The following ARHGEF10L variants were observed in gnomAD, a reference collection of about 807,000 sequenced individuals.
ARHGEF10L encodes the protein Rho guanine nucleotide exchange factor 10 like.
A neutral mutation model predicts 141.2 loss-of-function variants in ARHGEF10L; 69 were observed. The observed-to-expected ratio is 0.49, with a 90% CI of 0.40 to 0.60. The LOEUF is 0.60. Among genes scored for constraint, ARHGEF10L ranks in the 20% least tolerant of loss-of-function variants. The pLI, the probability that ARHGEF10L is intolerant of heterozygous loss-of-function variation, is 0.00. For synonymous variants in ARHGEF10L, 711 were observed against 718.5 expected, an observed-to-expected ratio of 0.99 and a Z score of 0.17; for missense variants, 1,482 against 1,734.3, an observed-to-expected ratio of 0.85 and a Z score of 2.58.
chr1:17,667,303 G>A (rs1439270541), intron 26 of ARHGEF10L, among the ~76,000 whole-genome samples: 1 of 152,226 alleles, frequency 6.6e-6, no homozygotes, highest in Non-Finnish European at 1.5e-5. Context: ...CCTGTCTTTG[G>A]AGGTGGGGGC....
In ARHGEF10L at chr1:17,619,250, C is replaced by A; in HGVS notation, c.836-89C>A. 1 of 1,315,160 alleles carries A rather than the reference C, an allele frequency of 7.6e-7. No individual in the cohort carries two copies. Among genetic ancestry groups the A allele is most frequent in the Non-Finnish European group, 1.1e-6 (1 of 934,686 alleles). 81.5% of individuals were successfully genotyped at this position (1,315,160 alleles called of 1,614,324 possible). A position where few individuals can be genotyped will look rare whatever the true frequency, so the allele number is the denominator to read the frequency against. The stretch of plus-strand genomic sequence containing the variant: ...TGCACCCTAGGACCTGGGTCCAAGG[C>A]TGGTCTAGGGGGGCTCTCAGCTCCT... On this transcript the variant is annotated intron_variant, in intron 9 of 28. Transcript: ENST00000361221. This position sits in a 1 kb window ranked among gnomAD's most constrained non-coding sequence, Gnocchi z 5.0.
chr1:17,656,788 C>G lies in ARHGEF10L; in HGVS notation c.2860+80C>G. 6.7e-7 allele frequency: 1 copy of G among 1,497,542 alleles called. No homozygotes were observed. Among genetic ancestry groups the G allele is most frequent in the East Asian group, 2.3e-5 (1 of 42,884 alleles). The allele number at this position is 1,497,542 out of a possible 1,614,324, so 92.8% of individuals were successfully genotyped here. A position where few individuals can be genotyped will look rare whatever the true frequency, so the allele number is the denominator to read the frequency against. On this transcript the variant is annotated intron_variant, in intron 25 of 28. Transcript: ENST00000361221. This position sits in a 1 kb window ranked among gnomAD's most constrained non-coding sequence, Gnocchi z 4.9. ...CCAGATTCTCTACCAAGAGAGGATA[C>G]AGGAGGCTGGGCAGGAATGAATTGG... is the stretch of plus-strand genomic sequence containing the variant.
intron 1 of ARHGEF10L, among the ~76,000 whole-genome samples, chr1:17,545,054 T>C (rs2100649739): frequency 6.6e-6 from 1 of 152,224 alleles, no homozygotes; most frequent in Non-Finnish European, 1.5e-5. Context: ...CAATTCAAGA[T>C]GAGATTTGGG....
At chr1:17,624,060 CT>C (rs944816961) in intron 12 of ARHGEF10L, among the ~76,000 whole-genome samples, 14 of 152,322 alleles carry the variant, frequency 9.2e-5, no homozygotes, top group African/African-American at 3.1e-4. Context: ...GGTGTTCCCC[CT>C]GCCCTTCTCC....
At chr1:17,596,975 TG>T (rs1469802386) in intron 4 of ARHGEF10L, among the ~76,000 whole-genome samples, 9 of 152,102 alleles carry the variant, frequency 5.9e-5, no homozygotes, top group Admixed American at 2.0e-4. Context: ...AGAGAAGAGG[TG>T]GGGCACAAAG....
chr1:17,624,528 C>A, intron 13 of ARHGEF10L, 25 bp downstream of exon 13: 1 of 1,588,442 alleles, frequency 6.3e-7, no homozygotes, highest in Non-Finnish European at 8.6e-7. Flanking sequence ...TGGTACCGTG[C>A]CTGGTCAGGG....
chr1:17,515,686 A>C, the ARHGEF10L span, among the ~76,000 whole-genome samples: 1 of 151,332 alleles, frequency 6.6e-6, no homozygotes, highest in Admixed American at 6.6e-5. Flanking sequence ...TCTGTCACTC[A>C]AGCTAGGGTA....
At chr1:17,684,981 C>T (rs1423800412) in intron 26 of ARHGEF10L, among the ~76,000 whole-genome samples, 1 of 152,182 alleles carries the variant, frequency 6.6e-6, no homozygotes, top group African/African-American at 2.4e-5. Flanking sequence ...ACACTCTGAT[C>T]AGGAATGAGC....
intron 21 of ARHGEF10L, among the ~76,000 whole-genome samples, chr1:17,646,820 C>T (rs2061632401): frequency 6.6e-6 from 1 of 152,024 alleles, no homozygotes; most frequent in Non-Finnish European, 1.5e-5. Context: ...TTGCTGAGCA[C>T]AGTCCAGCAC....
At chr1:17,676,923 C>T (rs776223881) in intron 26 of ARHGEF10L, among the ~76,000 whole-genome samples, 11 of 151,930 alleles carry the variant, frequency 7.2e-5, no homozygotes, top group Non-Finnish European at 1.2e-4. Flanking sequence ...GCCCAACTGC[C>T]TCCACTAGTT....
At position 17,634,849 on chromosome 1, in the gene ARHGEF10L, T is replaced by A. The variant is rs376615971; in HGVS notation, c.1760T>A (p.Ile587Asn). 1 of 1,613,338 alleles carries A rather than the reference T, an allele frequency of 6.2e-7. No homozygotes were observed. The highest frequency in any genetic ancestry group is 8.5e-7 in the Non-Finnish European group (1 of 1,179,652). The change falls in exon 18 of 29, where the codon ATC becomes AAC. Residue 587 changes from isoleucine (I) to asparagine (N), a missense_variant. Transcript: ENST00000361221. The part of the protein sequence containing the change: ...KPANHRGQLE[I>N]SSLVPLGPKY... Reference sequence around the variant, plus strand: ...TGTTCCAACAGGGGCCAGCTGGAGATCAGCAGCCTGGTGCCCCTGGGGCCC... The same window carrying A: ...TGTTCCAACAGGGGCCAGCTGGAGAACAGCAGCCTGGTGCCCCTGGGGCCC...
At chr1:17,620,847 C>T (rs2060070215) in intron 10 of ARHGEF10L, among the ~76,000 whole-genome samples, 1 of 152,208 alleles carries the variant, frequency 6.6e-6, no homozygotes, top group Admixed American at 6.5e-5. Context: ...ACAATAGAGC[C>T]ACCTGGGAAG....
In ARHGEF10L at chr1:17,619,469, G is replaced by A. The variant is rs1201531289; in HGVS notation, c.942+24G>A. On this transcript the variant is annotated intron_variant, in intron 10 of 28. Transcript: ENST00000361221. This position sits in a 1 kb window ranked among gnomAD's most constrained non-coding sequence, Gnocchi z 5.0. ...AGGTCTGTGGGGGAGTGGGGCAGGT[G>A]GGGGTCTGCAGGGGAAGGGGTGGCT... 14 of 1,555,870 alleles carry A rather than the reference G, an allele frequency of 9.0e-6. No homozygotes were observed. The East Asian group carries it at 2.8e-4, about 31-fold the overall frequency.
At chr1:17,587,417 C>T in intron 2 of ARHGEF10L, 43 bp from the exon 3 acceptor site, 4 of 1,587,046 alleles carry the variant, frequency 2.5e-6, no homozygotes, top group Admixed American at 1.8e-5. Context: ...ATTGACCAAA[C>T]CTCGGAGATC....
At chr1:17,667,553 G>T (rs145441599) in intron 26 of ARHGEF10L, among the ~76,000 whole-genome samples, 186 of 152,368 alleles carry the variant, frequency 1.2e-3, no homozygotes, top group African/African-American at 4.3e-3. Flanking sequence ...CTGCCAGTAG[G>T]AGAATTGGGG....
intron 1 of ARHGEF10L, among the ~76,000 whole-genome samples, 189 bp downstream of exon 1, chr1:17,540,139 C>T (rs1285491282): frequency 6.6e-6 from 1 of 152,056 alleles, no homozygotes; most frequent in African/African-American, 2.4e-5. Flanking sequence ...GCCCGCGTCT[C>T]CCCTCTGTGT....
At chr1:17,556,312 C>T (rs1397986744) in intron 1 of ARHGEF10L, among the ~76,000 whole-genome samples, 3 of 65,142 alleles carry the variant, frequency 4.6e-5, no homozygotes, top group Non-Finnish European at 9.1e-5. Flanking sequence ...CCTGGGAGCA[C>T]GGGGGTGGGC....
chr1:17,515,796 C>T, the ARHGEF10L span, among the ~76,000 whole-genome samples: 1 of 152,150 alleles, frequency 6.6e-6, no homozygotes, highest in African/African-American at 2.4e-5. Context: ...GTGTGCACCA[C>T]CATGCCTGGC....
At chr1:17,538,356 G>A (rs1289009875), upstream of ARHGEF10L, among the ~76,000 whole-genome samples, 1 of 152,204 alleles carries the variant, frequency 6.6e-6, no homozygotes, top group African/African-American at 2.4e-5. Flanking sequence ...GGTGTCTCCT[G>A]CGTGCCTAGA....
Sources: gnomAD v4.1 joint callset for allele counts (sites outside exome capture counted in the v4.1 genomes callset) on GRCh38, gnomAD v4.1.1 for gene constraint, Gnocchi (gnomAD v3.1) non-coding constraint, MANE v1.5 for transcripts, NCBI Gene and HGNC (gene_info 2026-07-23, HGNC 2026-07-21) for gene names.